NDUFAF6: variants seen among roughly 807,000 people sequenced by gnomAD.
The protein encoded by NDUFAF6 is NADH:ubiquinone oxidoreductase complex assembly factor 6, also known as NADH dehydrogenase (ubiquinone) complex I, assembly factor 6.
NDUFAF6 carries 45 observed loss-of-function variants against 40.8 expected under a neutral mutation model. That is an observed-to-expected ratio of 1.10 (90% CI 0.87 to 1.42). The LOEUF (loss-of-function observed/expected upper bound fraction) is 1.42, where lower values mean the gene tolerates loss of function less well. NDUFAF6 is among the 40% of genes most tolerant of loss of function. The pLI, the probability that NDUFAF6 is intolerant of heterozygous loss-of-function variation, is 0.00. For missense variants in NDUFAF6, 435 were observed against 418.5 expected (o/e 1.04, Z -0.34); for synonymous variants, 185 against 155.9 (o/e 1.19, Z -1.39).
At chr8:94,998,018 T>C (rs1009998857) in intron 2 of NDUFAF6, among the ~76,000 whole-genome samples, 4 of 152,298 alleles carry the variant, frequency 2.6e-5, no homozygotes, top group African/African-American at 9.6e-5. Flanking sequence ...GGGCTGCTCT[T>C]GAGTTAGAGG....
At chr8:95,087,358 C>T (rs1234087085) in intron 2 of NDUFAF6, among the ~76,000 whole-genome samples, 1 of 152,102 alleles carries the variant, frequency 6.6e-6, no homozygotes, top group African/African-American at 2.4e-5. Flanking sequence ...TGTACTTTTT[C>T]CTTTCTTGGA....
chr8:95,060,046 A>G (rs1385433831), downstream of NDUFAF6, among the ~76,000 whole-genome samples: 1 of 141,354 alleles, frequency 7.1e-6, no homozygotes, highest in Non-Finnish European at 1.6e-5. Context: ...GGGTTTAATT[A>G]CGCGACTGGA....
At chr8:95,096,972 C>CAGGG (rs1275233234), upstream of NDUFAF6, among the ~76,000 whole-genome samples, 1 of 152,214 alleles carries the variant, frequency 6.6e-6, no homozygotes, top group Non-Finnish European at 1.5e-5. Context: ...AGGGGCTAGG[C>CAGGG]AGGGACCTCT....
At position 94,980,690 on chromosome 8, in the gene NDUFAF6, A is replaced by G. The variant is rs189932842; in HGVS notation, c.-198-169A>G. ...GGTCTTGAACTCCTGACCTCAGGTGATCAGCATGCCTTGGCCTCCCGAAGT... is the reference window on the plus strand; with the variant it reads ...GGTCTTGAACTCCTGACCTCAGGTGGTCAGCATGCCTTGGCCTCCCGAAGT... On this transcript the variant is annotated intron_variant, in intron 1 of 9. Coordinates refer to the NDUFAF6 transcript ENST00000396111. 1.4e-3 allele frequency among the ~76,000 whole-genome samples: 151 copies of G among 111,770 alleles called. 1 individual carries two copies. The highest frequency in any genetic ancestry group is 2.3e-3 in the Non-Finnish European group (126 of 55,658). 73.3% of individuals were successfully genotyped at this position (111,770 alleles called of 152,430 possible).
intron 1 of NDUFAF6, among the ~76,000 whole-genome samples, chr8:94,978,100 T>C (rs1203455904): frequency 6.6e-6 from 1 of 152,092 alleles, no homozygotes; most frequent in East Asian, 1.9e-4. Context: ...CGGCAACTCT[T>C]GGGGGGCTCC....
chr8:94,940,010 C>T (rs1250818876), intron 1 of NDUFAF6: 1 of 1,614,054 alleles, frequency 6.2e-7, no homozygotes, highest in African/African-American at 1.3e-5. Flanking sequence ...AGTGGTTAAT[C>T]CACCTGCAGT....
At chr8:94,937,238 C>T (rs902807817) in intron 1 of NDUFAF6, among the ~76,000 whole-genome samples, 4 of 151,980 alleles carry the variant, frequency 2.6e-5, no homozygotes, top group Admixed American at 6.6e-5. Flanking sequence ...GTCAGGAGTT[C>T]GAGACTAGCC....
intron 2 of NDUFAF6, among the ~76,000 whole-genome samples, chr8:94,992,460 C>G (rs1211169160): frequency 1.3e-5 from 2 of 151,998 alleles, no homozygotes; most frequent in African/African-American, 4.8e-5. Flanking sequence ...GTACTCCAGC[C>G]TGGATGACAG....
At chr8:94,960,350 A>G (rs140145875) in intron 1 of NDUFAF6, among the ~76,000 whole-genome samples, 11 of 152,340 alleles carry the variant, frequency 7.2e-5, no homozygotes, top group African/African-American at 2.6e-4. Context: ...TCATCATGGC[A>G]ATTTCCAAAC....
chr8:95,038,267 C>G (rs1829735943), intron 3 of NDUFAF6, among the ~76,000 whole-genome samples: 1 of 152,200 alleles, frequency 6.6e-6, no homozygotes, highest in Non-Finnish European at 1.5e-5. Context: ...TTCTCCTATT[C>G]CCCCATATGT....
At chr8:95,069,651 G>A (rs1298274005) in intron 9 of NDUFAF6, among the ~76,000 whole-genome samples, 1 of 150,640 alleles carries the variant, frequency 6.6e-6, no homozygotes, top group African/African-American at 2.5e-5. Flanking sequence ...ATGGTGATGG[G>A]CGCCTATAAT....
intron 1 of NDUFAF6, chr8:94,927,883 G>A (rs946052296): frequency 2.0e-5 from 3 of 148,162 alleles, no homozygotes; most frequent in South Asian, 2.2e-4. Flanking sequence ...TGTCTAAAGC[G>A]CATTGTAAAC....
chr8:94,899,968 A>G (rs1817909828), intron 1 of NDUFAF6, among the ~76,000 whole-genome samples: 1 of 152,102 alleles, frequency 6.6e-6, no homozygotes, highest in East Asian at 1.9e-4. Context: ...TCACCTTGGG[A>G]CCTTGGCACC....
chr8:94,984,495 C>G (rs1396031696), intron 2 of NDUFAF6, among the ~76,000 whole-genome samples: 1 of 152,188 alleles, frequency 6.6e-6, no homozygotes, highest in African/African-American at 2.4e-5. Context: ...CCCCAATACC[C>G]TATTATGTGA....
upstream of NDUFAF6, among the ~76,000 whole-genome samples, chr8:95,095,678 T>C (rs1161246295): frequency 7.0e-6 from 1 of 143,582 alleles, no homozygotes; most frequent in Non-Finnish European, 1.5e-5. Flanking sequence ...TTTTTTTTTT[T>C]CTTTGAGACC....
intron 1 of NDUFAF6, among the ~76,000 whole-genome samples, chr8:94,973,640 G>A (rs1288207698): frequency 6.6e-6 from 1 of 151,222 alleles, no homozygotes; most frequent in Non-Finnish European, 1.5e-5. Flanking sequence ...CCTGGGAGGT[G>A]GAGGTTGCAG....
chr8:95,078,662 A>AAAAATATATAT (rs545018367), downstream of NDUFAF6: 6 of 121,040 alleles, frequency 5.0e-5, no homozygotes, highest in African/African-American at 2.0e-4. Flanking sequence ...AAAAAAAAAA[A>AAAAATATATAT]ATATATATAT....
chr8:95,016,763 A>G (rs1256773591), intron 2 of NDUFAF6, among the ~76,000 whole-genome samples: 2 of 152,152 alleles, frequency 1.3e-5, no homozygotes, highest in Non-Finnish European at 2.9e-5. Context: ...AGCAAAAAAC[A>G]AAACTTGAAC....
intron 1 of NDUFAF6, among the ~76,000 whole-genome samples, chr8:94,904,842 C>T (rs1354177846): frequency 6.6e-6 from 1 of 152,002 alleles, no homozygotes; most frequent in African/African-American, 2.4e-5. Flanking sequence ...TGTCATCTTC[C>T]TGCATAACTG....
Sources: allele counts gnomAD v4.1 joint callset (sites outside exome capture counted in the v4.1 genomes callset), GRCh38; gene constraint gnomAD v4.1.1; transcripts MANE v1.5; gene names NCBI Gene and HGNC (gene_info 2026-07-23, HGNC 2026-07-21).